The following TAF4 variants were observed in gnomAD, a reference collection of about 807,000 sequenced individuals.
The protein encoded by TAF4 is TATA-box binding protein associated factor 4.
In TAF4, 9 loss-of-function variants were observed where a neutral mutation model predicts 90.3. That is an observed-to-expected ratio of 0.10 (90% CI 0.06 to 0.17). TAF4 has a LOEUF of 0.17. TAF4 is among the 10% of genes least tolerant of loss of function. The probability of loss-of-function intolerance (pLI) is 1.00; values close to 1 mark genes in which losing one functional copy is unlikely to be tolerated. For missense variants in TAF4, 1,351 were observed against 1,370.7 expected (o/e 0.99, Z 0.23); for synonymous variants, 818 against 638.9 (o/e 1.28, Z -4.23).
At chr20:62,059,021 C>A (rs1600866443) in intron 1 of TAF4, among the ~76,000 whole-genome samples, 2 of 152,242 alleles carry the variant, frequency 1.3e-5, no homozygotes, top group African/African-American at 4.8e-5. Flanking sequence ...CAAACACAGT[C>A]CCCAACAGAC....
intron 1 of TAF4, among the ~76,000 whole-genome samples, chr20:62,036,014 A>T (rs2055930251): frequency 6.6e-6 from 1 of 151,730 alleles, no homozygotes; most frequent in South Asian, 2.1e-4. Context: ...AAGGAAATTA[A>T]TCAAATTTCT....
At chr20:62,004,676 G>C (rs1746281) in intron 7 of TAF4, 10,093 of 152,224 alleles carry the variant, frequency 0.066, 584 homozygotes, top group African/African-American at 0.16. Context: ...TACTGGAGTG[G>C]GGTTAGAGTT....
intron 14 of TAF4, among the ~76,000 whole-genome samples, chr20:61,989,194 T>C (rs1457506148): frequency 1.3e-5 from 2 of 151,746 alleles, no homozygotes; most frequent in South Asian, 2.1e-4. Context: ...CTACATGCAT[T>C]TGGGTCCCGA....
At chr20:62,061,348 T>A (rs2056087747) in intron 1 of TAF4, among the ~76,000 whole-genome samples, 1 of 152,220 alleles carries the variant, frequency 6.6e-6, no homozygotes, top group African/African-American at 2.4e-5. Context: ...CTGGGAGTAC[T>A]CATCCTAAAA....
chr20:62,029,784 T>A (rs2055894535), intron 1 of TAF4, among the ~76,000 whole-genome samples: 1 of 152,056 alleles, frequency 6.6e-6, no homozygotes, highest in African/African-American at 2.4e-5. Flanking sequence ...CACACACCTG[T>A]AATCCCAGCT....
In TAF4 at chr20:62,009,169, A is replaced by T; in HGVS notation, c.1767T>A (p.Thr589=). 1 of 1,607,402 alleles carries T rather than the reference A, an allele frequency of 6.2e-7. No homozygotes were observed. Among genetic ancestry groups the T allele is most frequent in the Non-Finnish European group, 8.5e-7 (1 of 1,178,052 alleles). Residue 589 remains threonine (T), a synonymous_variant, in exon 5 of 15, where the codon ACT becomes ACA. Coordinates refer to ENST00000252996, the MANE Select transcript of TAF4 (RefSeq NM_003185.4). ...ATTTSSAATE[T]MENVKKCKNF... Reference sequence around the variant, plus strand: ...TTTTACATTTCTTCACGTTTTCCATAGTTTCCTGGATTAAAGTAAAAAGAT... The same window carrying T: ...TTTTACATTTCTTCACGTTTTCCATTGTTTCCTGGATTAAAGTAAAAAGAT...
At chr20:62,051,330 T>C (rs1192577510) in intron 1 of TAF4, among the ~76,000 whole-genome samples, 1 of 152,142 alleles carries the variant, frequency 6.6e-6, no homozygotes, top group Non-Finnish European at 1.5e-5. Context: ...CCGGGGGTTC[T>C]GGGCCCACTG....
At chr20:62,015,505 A>T (rs922600510) in intron 1 of TAF4, among the ~76,000 whole-genome samples, 5 of 152,098 alleles carry the variant, frequency 3.3e-5, no homozygotes, top group Non-Finnish European at 7.4e-5. Flanking sequence ...AGGGCTATAA[A>T]CACTGCACTC....
chr20:62,013,906 GGTGT>G (rs56801841), intron 2 of TAF4, among the ~76,000 whole-genome samples: 12,376 of 106,328 alleles, frequency 0.12, 447 homozygotes, highest in Non-Finnish European at 0.15. Context: ...GGCTGACGCG[GGTGT>G]GTGTGTGTGT....
rs1232947591 is a variant in TAF4 at position 62,010,467 on chromosome 20, A to G, written c.1642-302T>C. Among the ~76,000 whole-genome samples, 7 of 152,140 alleles carry G rather than the reference A, an allele frequency of 4.6e-5. No homozygotes were observed. The East Asian group carries it at 1.4e-3, about 29-fold the overall frequency. On this transcript the variant is annotated intron_variant, in intron 3 of 14. Coordinates refer to ENST00000252996, the MANE Select transcript of TAF4 (RefSeq NM_003185.4). The surrounding 1 kb of genome is among the most constrained non-coding windows in gnomAD (Gnocchi z 4.5). ...ACCCCAGTCCTCAGAAGTCCATGGA[A>G]AAAGTCACATAGAGACCAGAGTAAA...
intron 14 of TAF4, among the ~76,000 whole-genome samples, chr20:61,977,146 A>T (rs1424955922): frequency 2.7e-5 from 4 of 146,700 alleles, no homozygotes; most frequent in African/African-American, 1.0e-4. Context: ...CACGCGCCAC[A>T]CACACGACAC....
chr20:62,065,823 G>T lies in TAF4; in HGVS notation c.-13C>A. Reference sequence around the variant, plus strand: ...AGCCCGCCGCCATCTTTTTTCCTCGGCCGCCGCCGCCGCCGCCGCTCGGGC... The same window carrying T: ...AGCCCGCCGCCATCTTTTTTCCTCGTCCGCCGCCGCCGCCGCCGCTCGGGC... On this transcript the variant is annotated 5_prime_UTR_variant, in exon 1 of 15. Coordinates refer to ENST00000252996, the MANE Select transcript of TAF4 (RefSeq NM_003185.4). 2 of 1,202,630 alleles carry T rather than the reference G, an allele frequency of 1.7e-6. No individual in the cohort carries two copies. The highest frequency in any genetic ancestry group is 1.1e-6 in the Non-Finnish European group (1 of 946,296). 74.5% of individuals were successfully genotyped at this position (1,202,630 alleles called of 1,614,324 possible). A position where few individuals can be genotyped will look rare whatever the true frequency, so the allele number is the denominator to read the frequency against.
At chr20:62,022,787 C>T (rs1008906257) in intron 1 of TAF4, among the ~76,000 whole-genome samples, 57 of 152,290 alleles carry the variant, frequency 3.7e-4, no homozygotes, top group African/African-American at 1.3e-3. Flanking sequence ...CCGGCGCAGG[C>T]GCTACCACCA....
chr20:62,009,266 G>C (rs1323501538), intron 4 of TAF4, 92 bp from the exon 5 acceptor site: 14 of 1,260,494 alleles, frequency 1.1e-5, no homozygotes, highest in African/African-American at 1.5e-5. Flanking sequence ...ATGTACAAAA[G>C]ATACATATAT....
rs1832282966 is a variant in TAF4 at position 62,006,855 on chromosome 20, T to C, written c.1975-97A>G. ...AAATATCAACTTTTACAGAAAGCTT[T>C]TGAGCTAAGTAAGATGGATCTTGGC... is the stretch of plus-strand genomic sequence containing the variant. On this transcript the variant is annotated intron_variant, in intron 6 of 14. Coordinates refer to ENST00000252996, the MANE Select transcript of TAF4 (RefSeq NM_003185.4). The surrounding 1 kb of genome is among the most constrained non-coding windows in gnomAD (Gnocchi z 7.0). The C allele has an allele frequency of 7.1e-7, 1 of 1,403,440 alleles. No homozygotes were observed. Among genetic ancestry groups the C allele is most frequent in the South Asian group, 1.7e-5 (1 of 58,536 alleles). 86.9% of individuals were successfully genotyped at this position (1,403,440 alleles called of 1,614,324 possible). A position where few individuals can be genotyped will look rare whatever the true frequency, so the allele number is the denominator to read the frequency against.
intron 5 of TAF4, 163 bp from the exon 6 acceptor site, chr20:62,007,799 G>A: frequency 1.6e-6 from 1 of 629,238 alleles, no homozygotes; most frequent in Non-Finnish European, 2.7e-6. Flanking sequence ...ACAGGTACAT[G>A]TGTGACAGGC....
intron 1 of TAF4, among the ~76,000 whole-genome samples, chr20:62,033,017 GA>G (rs1048056541): frequency 1.8e-4 from 28 of 152,144 alleles, no homozygotes; most frequent in African/African-American, 5.3e-4. Context: ...GATGCGGGGG[GA>G]AAAAAAGAGG....
chr20:61,991,719 A>G (rs936096674), intron 14 of TAF4, among the ~76,000 whole-genome samples: 35 of 152,322 alleles, frequency 2.3e-4, no homozygotes, highest in African/African-American at 8.2e-4. Flanking sequence ...AGAAAGAAAC[A>G]AAAGAACAGA....
intron 1 of TAF4, among the ~76,000 whole-genome samples, chr20:62,051,746 A>C (rs1350450160): frequency 6.6e-6 from 1 of 152,158 alleles, no homozygotes; most frequent in Non-Finnish European, 1.5e-5. Context: ...ACCTCATGGC[A>C]GGTGGCCTGT....
Sources: allele counts gnomAD v4.1 joint callset (sites outside exome capture counted in the v4.1 genomes callset), GRCh38; gene constraint gnomAD v4.1.1; non-coding constraint Gnocchi (gnomAD v3.1); transcripts MANE v1.5; gene names NCBI Gene and HGNC (gene_info 2026-07-23, HGNC 2026-07-21).